Variants in UNC80 observed in about 807,000 individuals in gnomAD.
UNC80 encodes the protein unc-80 subunit of NALCN channel complex.
In UNC80, 164 loss-of-function variants were observed where a neutral mutation model predicts 384.6. The ratio of observed to expected loss-of-function variants is 0.43; its 90% confidence interval spans 0.38 to 0.49. UNC80 has a LOEUF of 0.49. UNC80 is among the 20% of genes least tolerant of loss of function. The pLI is 0.00. For missense variants in UNC80, 3,330 were observed against 4,143.0 expected, an observed-to-expected ratio of 0.80 and a Z score of 5.39; for synonymous variants, 1,486 against 1,527.8, an observed-to-expected ratio of 0.97 and a Z score of 0.64.
chr2:209,812,193 G>A (rs1194810974), intron 7 of UNC80, among the ~76,000 whole-genome samples: 1 of 151,454 alleles, frequency 6.6e-6, no homozygotes, highest in African/African-American at 2.4e-5. Context: ...GAGACTACAG[G>A]CGCCCGCCAC....
intron 61 of UNC80, among the ~76,000 whole-genome samples, chr2:209,991,371 A>T (rs73984316): frequency 0.016 from 2,496 of 152,294 alleles, 63 homozygotes; most frequent in African/African-American, 0.057. Context: ...ATGAAAAAGG[A>T]CCATGGGCCC....
intron 51 of UNC80, among the ~76,000 whole-genome samples, chr2:209,963,202 T>C (rs2092647187): frequency 6.6e-6 from 1 of 152,066 alleles, no homozygotes; most frequent in South Asian, 2.1e-4. Flanking sequence ...GCAAATTCTC[T>C]CTCTTTTTCT....
intron 28 of UNC80, among the ~76,000 whole-genome samples, chr2:209,901,310 T>C (rs946723185): frequency 2.0e-5 from 3 of 152,206 alleles, no homozygotes; most frequent in African/African-American, 7.2e-5. Flanking sequence ...TCTGAAATTC[T>C]AGAGCCCTTA....
At chr2:209,972,441 T>C in intron 55 of UNC80, 117 bp downstream of exon 55, 1 of 1,357,332 alleles carries the variant, frequency 7.4e-7, no homozygotes, top group Non-Finnish European at 9.9e-7. Flanking sequence ...GTCTGAATGA[T>C]TTAAATAGGG....
At chr2:209,800,254 C>T (rs542404222) in intron 7 of UNC80, among the ~76,000 whole-genome samples, 21 of 152,200 alleles carry the variant, frequency 1.4e-4, no homozygotes, top group African/African-American at 2.9e-4. Flanking sequence ...TTGGGCTATT[C>T]GGGGATTCAA....
chr2:209,846,162 C>T (rs975456485), intron 21 of UNC80, among the ~76,000 whole-genome samples: 3 of 152,022 alleles, frequency 2.0e-5, no homozygotes, highest in Non-Finnish European at 4.4e-5. Context: ...AACATCAAAC[C>T]TTCTTACCCT....
intron 12 of UNC80, among the ~76,000 whole-genome samples, 183 bp from the exon 13 acceptor site, chr2:209,820,128 T>A (rs1197751338): frequency 6.6e-6 from 1 of 152,242 alleles, no homozygotes; most frequent in Non-Finnish European, 1.5e-5. Flanking sequence ...TTACACGCTC[T>A]ATTAAGTAAA....
At chr2:209,876,187 T>G (rs1285354645) in intron 23 of UNC80, among the ~76,000 whole-genome samples, 1 of 152,154 alleles carries the variant, frequency 6.6e-6, no homozygotes, top group Non-Finnish European at 1.5e-5. Flanking sequence ...CAGTCAGACA[T>G]CCTATGTTTG....
At chr2:209,779,480 A>AC (rs2077041107) in intron 4 of UNC80, among the ~76,000 whole-genome samples, 1 of 151,692 alleles carries the variant, frequency 6.6e-6, no homozygotes, top group African/African-American at 2.4e-5. Context: ...GCTATCCTAC[A>AC]TTTTTTTCCT....
intron 25 of UNC80, among the ~76,000 whole-genome samples, chr2:209,887,058 CAG>C (rs1350889440): frequency 1.3e-5 from 2 of 151,960 alleles, no homozygotes; most frequent in Admixed American, 6.5e-5. Flanking sequence ...TATTTTTTGA[CAG>C]AGTTTCCCTC....
At chr2:209,817,481 G>GA (rs200470102) in intron 10 of UNC80, among the ~76,000 whole-genome samples, 5 of 150,156 alleles carry the variant, frequency 3.3e-5, no homozygotes, top group Non-Finnish European at 5.9e-5. Context: ...CAAAGCAAAG[G>GA]AAAAAAAATA....
At chr2:209,979,945 C>T (rs2093118817) in intron 59 of UNC80, among the ~76,000 whole-genome samples, 2 of 152,146 alleles carry the variant, frequency 1.3e-5, no homozygotes, top group Admixed American at 6.5e-5. Context: ...TGTCCTACAA[C>T]AGTTGGGAAT....
intron 47 of UNC80, among the ~76,000 whole-genome samples, chr2:209,948,470 A>T (rs190346891): frequency 6.6e-6 from 1 of 152,282 alleles, no homozygotes; most frequent in Non-Finnish European, 1.5e-5. Flanking sequence ...AAATTTGGAC[A>T]TCTCCTTTTG....
Position 209,894,196 on chromosome 2 carries a change from G to A in UNC80, c.4310G>A (p.Arg1437His), listed in dbSNP as rs1296530551. 4 of 985,240 alleles carry A rather than the reference G, an allele frequency of 4.1e-6. No homozygotes were observed. The highest frequency in any genetic ancestry group is 4.8e-6 in the Non-Finnish European group (4 of 829,922). 61.0% of individuals were successfully genotyped at this position (985,240 alleles called of 1,614,324 possible). A position where few individuals can be genotyped will look rare whatever the true frequency, so the allele number is the denominator to read the frequency against. Residue 1437 changes from arginine (R) to histidine (H), a missense_variant, in exon 27 of 65, where the codon CGC (arginine) becomes CAC (histidine). Arg to His is a conservative substitution (Grantham distance 29, BLOSUM62 0). Around this residue, in one of 8 missense-constraint regions of UNC80, gnomAD observed 801 missense variants for 950.8 expected, o/e 0.84. Transcript: ENST00000673920. ...PSRKIRIGGSRLLQIKGTRSF... is the reference protein window; with the variant it reads ...PSRKIRIGGSHLLQIKGTRSF... ...AGGAAGATCAGGATAGGAGGTTCTC[G>A]CCTGCTCCAGATTAAAGGAACCCGC...
chr2:209,987,901 G>A (rs2093321680), intron 61 of UNC80, among the ~76,000 whole-genome samples: 1 of 152,058 alleles, frequency 6.6e-6, no homozygotes, highest in Non-Finnish European at 1.5e-5. Context: ...ACCTTTTTAA[G>A]TAGCTGAGAA....
At chr2:209,834,256 G>A in intron 17 of UNC80, 88 bp downstream of exon 17, 1 of 1,388,298 alleles carries the variant, frequency 7.2e-7, no homozygotes, top group South Asian at 1.4e-5. Context: ...TTCCTGTGCT[G>A]AAATGTCAGC....
chr2:209,970,666 C>G (rs1344571207), intron 53 of UNC80, among the ~76,000 whole-genome samples, 166 bp from the exon 54 acceptor site: 4 of 152,162 alleles, frequency 2.6e-5, no homozygotes, highest in Non-Finnish European at 5.9e-5. Context: ...CGATCTGACT[C>G]CAGACATTAC....
intron 25 of UNC80, among the ~76,000 whole-genome samples, chr2:209,883,897 A>G (rs888577884): frequency 2.6e-5 from 4 of 152,118 alleles, no homozygotes; most frequent in Admixed American, 2.6e-4. Context: ...TTTTAAGGCT[A>G]TATGGTTTTT....
chr2:209,932,344 C>T (rs554197017), intron 38 of UNC80, among the ~76,000 whole-genome samples: 1 of 152,304 alleles, frequency 6.6e-6, no homozygotes, highest in South Asian at 2.1e-4. Context: ...TCTGTCTACA[C>T]CACACGAAAA....
Sources: allele counts gnomAD v4.1 joint callset (sites outside exome capture counted in the v4.1 genomes callset), GRCh38; gene constraint gnomAD v4.1.1; regional missense constraint gnomAD v4.1.1; transcripts MANE v1.5; gene names NCBI Gene and HGNC (gene_info 2026-07-23, HGNC 2026-07-21).